Variants in ZNF730 observed in about 807,000 individuals in gnomAD.
ZNF730 encodes the protein putative zinc finger protein 730.
ZNF730 carries 12 observed loss-of-function variants against 12.6 expected under a neutral mutation model. The ratio of observed to expected loss-of-function variants is 0.95; its 90% CI spans 0.61 to 1.54. The LOEUF (loss-of-function observed/expected upper bound fraction) is 1.54, where lower values mean the gene tolerates loss of function less well. Ranked by LOEUF, ZNF730 falls within the 40% of genes most tolerant of loss-of-function variation. The pLI is 0.00. For missense variants in ZNF730, 643 were observed against 583.5 expected, an observed-to-expected ratio of 1.10 and a Z score of -1.05; for synonymous variants, 194 against 195.8, an observed-to-expected ratio of 0.99 and a Z score of 0.08.
At chr19:23,117,244 T>C in intron 1 of ZNF730, 68 bp downstream of exon 1, 3 of 1,611,832 alleles carry the variant, frequency 1.9e-6, no homozygotes, top group Non-Finnish European at 2.5e-6. Context: ...GAAGCGGCTG[T>C]GGCGGGACCC....
intron 1 of ZNF730, among the ~76,000 whole-genome samples, chr19:23,119,018 C>T (rs956404995): frequency 6.6e-6 from 1 of 152,148 alleles, no homozygotes; most frequent in Non-Finnish European, 1.5e-5. Flanking sequence ...TTCCTCTCTT[C>T]CTGTTTGGAT....
intron 1 of ZNF730, among the ~76,000 whole-genome samples, chr19:23,076,737 G>A (rs921284604): frequency 6.6e-6 from 1 of 152,156 alleles, no homozygotes; most frequent in Non-Finnish European, 1.5e-5. Flanking sequence ...AGGCACCACT[G>A]GTGGGAGTTT....
rs1321775261 is a variant in ZNF730 at position 23,134,706 on chromosome 19, G to C, written c.130+500G>C. Among the ~76,000 whole-genome samples, 8 of 142,902 alleles carry C rather than the reference G, an allele frequency of 5.6e-5. No individual in the cohort carries two copies. In the East Asian group the frequency reaches 1.2e-3, roughly 22 times the overall value. 93.7% of individuals were successfully genotyped at this position (142,902 alleles called of 152,430 possible). A position where few individuals can be genotyped will look rare whatever the true frequency, so the allele number is the denominator to read the frequency against. ...GTGAGGAGCCCCTCTGCCCGGCCAC[G>C]ACCCCGTCTGGGAGGTGTGCCCAGC... is the stretch of plus-strand genomic sequence containing the variant. On this transcript the variant is annotated intron_variant, in intron 2 of 3. Transcript: ENST00000597761.
Position 23,145,601 on chromosome 19 carries a change from C to T in ZNF730, c.557C>T (p.Ser186Leu). The change falls in exon 4 of 4, where the codon TCA (serine) becomes TTA (leucine). Residue 186 changes from serine to leucine, a missense_variant. Transcript: ENST00000597761. ...TGTGGAAAATTATTTTGCATTCTTT[C>T]ACACTTAGCTCAACATAAAAAAATT... is the stretch of plus-strand genomic sequence containing the variant. Reference protein sequence around the residue: ...KECGKLFCILSHLAQHKKIHT... With the variant: ...KECGKLFCILLHLAQHKKIHT... 6.5e-7 allele frequency: 1 copy of T among 1,544,738 alleles called. No homozygotes were observed. Among genetic ancestry groups the T allele is most frequent in the Admixed American group, 2.1e-5 (1 of 48,582 alleles).
At chr19:23,126,661 GTTT>G (rs59629245) in intron 1 of ZNF730, 5 of 412,744 alleles carry the variant, frequency 1.2e-5, no homozygotes, top group Admixed American at 3.3e-5. Flanking sequence ...AGTTCCACTA[GTTT>G]TTTTTTTTTT....
chr19:23,145,212 G>A (rs1970984459), intron 3 of ZNF730, 59 bp from the exon 4 acceptor site: 10 of 1,201,674 alleles, frequency 8.3e-6, no homozygotes, highest in Non-Finnish European at 1.1e-5. Context: ...TATAGGTTAG[G>A]TTTATAAACT....
rs369642832 is a variant in ZNF730, at chr19:23,102,152, T to C, written c.-94+26765T>C. Among the ~76,000 whole-genome samples, 32 of 152,296 alleles carry C rather than the reference T, an allele frequency of 2.1e-4. No homozygotes were observed. In the East Asian group the frequency reaches 3.3e-3, roughly 16 times the overall value. On this transcript the variant is annotated intron_variant, in intron 1 of 2. Transcript: ENST00000593635. ...GCCTGCACTCTGTCCACAGGAAACA[T>C]TGTGACTTATCACTAGGCCCAGGTA...
chr19:23,105,452 C>T (rs1476537400), intron 1 of ZNF730, among the ~76,000 whole-genome samples: 1 of 151,938 alleles, frequency 6.6e-6, no homozygotes, highest in African/African-American at 2.4e-5. Flanking sequence ...ACATTTCTTT[C>T]TACATGGATT....
chr19:23,134,294 TTTTTTC>T (rs1229991758), intron 2 of ZNF730, 88 bp downstream of exon 2: 56 of 1,216,786 alleles, frequency 4.6e-5, no homozygotes, highest in South Asian at 1.1e-4. Flanking sequence ...GATCCCGGGT[TTTTTTC>T]TTTTTCTTTT....
At chr19:23,104,262 A>G (rs1439844707) in intron 1 of ZNF730, among the ~76,000 whole-genome samples, 1 of 147,350 alleles carries the variant, frequency 6.8e-6, no homozygotes, top group Admixed American at 7.1e-5. Flanking sequence ...AGATCACACC[A>G]CTGCACTTTA....
chr19:23,092,882 C>G (rs1008904373), intron 1 of ZNF730, among the ~76,000 whole-genome samples: 2 of 152,128 alleles, frequency 1.3e-5, no homozygotes, highest in Admixed American at 1.3e-4. Context: ...AGATACTTAC[C>G]TGAAGCTTTC....
intron 1 of ZNF730, among the ~76,000 whole-genome samples, chr19:23,099,704 T>C (rs1002143240): frequency 6.6e-6 from 1 of 152,194 alleles, no homozygotes; most frequent in Non-Finnish European, 1.5e-5. Flanking sequence ...AGACCCAACT[T>C]GCAGGAGATG....
intron 1 of ZNF730, chr19:23,123,049 A>C (rs1417586943): frequency 6.6e-6 from 1 of 152,186 alleles, no homozygotes; most frequent in Non-Finnish European, 1.5e-5. Flanking sequence ...ATTTCACTGA[A>C]TTTGAATGCT....
Position 23,085,496 on chromosome 19 carries a change from C to CTTTTTTTT in ZNF730, c.-94+10133_-94+10140dup, listed in dbSNP as rs58871710. Among the ~76,000 whole-genome samples the CTTTTTTTT allele has an allele frequency of 5.7e-5, 3 of 52,790 alleles. 1 individual carries two copies. The highest frequency in any genetic ancestry group is 1.3e-4 in the African/African-American group (2 of 15,776). The allele number at this position is 52,790 out of a possible 152,430, so 34.6% of individuals were successfully genotyped here. A position where few individuals can be genotyped will look rare whatever the true frequency, so the allele number is the denominator to read the frequency against. ...TACAGGCATGAGCCACCATGCCCGTCTTTTTTTTTTTTTTTTTTTTTTTTT... is the reference window on the plus strand; with the variant it reads ...TACAGGCATGAGCCACCATGCCCGTCTTTTTTTTTTTTTTTTTTTTTTTTTTTTTTTTT... On this transcript the variant is annotated intron_variant, in intron 1 of 2. Transcript: ENST00000593635.
intron 3 of ZNF730, among the ~76,000 whole-genome samples, chr19:23,142,541 A>C (rs1408630505): frequency 6.6e-6 from 1 of 151,786 alleles, no homozygotes; most frequent in Non-Finnish European, 1.5e-5. Flanking sequence ...AACAAAAATT[A>C]GCCGGGTATG....
intron 2 of ZNF730, among the ~76,000 whole-genome samples, chr19:23,135,022 G>A (rs1469993804): frequency 8.7e-6 from 1 of 114,910 alleles, no homozygotes; most frequent in Admixed American, 1.0e-4. Context: ...GATGCTTGAA[G>A]GCAGCATGCT....
At chr19:23,081,526 G>C (rs1363091417) in intron 1 of ZNF730, among the ~76,000 whole-genome samples, 79 of 152,046 alleles carry the variant, frequency 5.2e-4, no homozygotes, top group South Asian at 1.0e-3. Flanking sequence ...CACCATGTTG[G>C]CCAGGCTGGT....
At chr19:23,093,223 G>T (rs1052821955) in intron 1 of ZNF730, among the ~76,000 whole-genome samples, 1 of 152,042 alleles carries the variant, frequency 6.6e-6, no homozygotes, top group Admixed American at 6.6e-5. Flanking sequence ...TGATCCACTC[G>T]CCTTGGCCTC....
rs770041633 is a variant in ZNF730, at chr19:23,146,494, G to T, written c.1450G>T (p.Glu484Ter). The T allele has an allele frequency of 1.2e-6, 2 of 1,600,366 alleles. No homozygotes were observed. The highest frequency in any genetic ancestry group is 1.1e-5 in the South Asian group (1 of 89,728). ...TGGGGAAAAAATCTACAAATGTAAAGAATGTGGTAAAGCCTTTAGGCGGTT... is the reference window on the plus strand; with the variant it reads ...TGGGGAAAAAATCTACAAATGTAAATAATGTGGTAAAGCCTTTAGGCGGTT... ...HSGEKIYKCK[E>*]CGKAFRRFSH... The change falls in exon 4 of 4, where the codon GAA becomes TAA. Residue 484 changes from glutamate to a stop codon, truncating the protein, a stop_gained. Transcript: ENST00000597761. LOFTEE classifies it low-confidence loss of function (END_TRUNC).
Sources: allele counts gnomAD v4.1 joint callset (sites outside exome capture counted in the v4.1 genomes callset), GRCh38; gene constraint gnomAD v4.1.1; transcripts MANE v1.5; gene names NCBI Gene and HGNC (gene_info 2026-07-23, HGNC 2026-07-21).